NAALADL2: variants seen among roughly 807,000 people sequenced by gnomAD.
NAALADL2 encodes the protein inactive N-acetylated-alpha-linked acidic dipeptidase-like protein 2.
Under a neutral mutation model 87.2 loss-of-function variants are expected in NAALADL2, and 76 were observed. That is an observed-to-expected ratio of 0.87 (90% CI 0.72 to 1.05). The LOEUF is 1.05. NAALADL2 is among the 50% of genes least tolerant of loss of function. NAALADL2 has a pLI of 0.00. For synonymous variants in NAALADL2, 354 were observed against 331.0 expected (o/e 1.07, Z -0.75); for missense variants, 1,089 against 945.8 (o/e 1.15, Z -1.99).
intron 3 of NAALADL2, among the ~76,000 whole-genome samples, chr3:174,815,456 G>A (rs1720679498): frequency 6.6e-6 from 1 of 152,044 alleles, no homozygotes; most frequent in Admixed American, 6.6e-5. Context: ...ATAGGGTCTT[G>A]CTGTCTCACC....
intron 10 of NAALADL2, among the ~76,000 whole-genome samples, chr3:175,613,547 G>T (rs566766467): frequency 2.0e-5 from 3 of 151,998 alleles, no homozygotes; most frequent in Non-Finnish European, 4.4e-5. Flanking sequence ...TTATAATTTA[G>T]CAGGAATAGA....
At chr3:174,935,842 A>C (rs1737613823) in intron 1 of NAALADL2, among the ~76,000 whole-genome samples, 1 of 152,152 alleles carries the variant, frequency 6.6e-6, no homozygotes, top group Non-Finnish European at 1.5e-5. Context: ...GCTAGACTAT[A>C]AGATTAATAG....
At chr3:174,501,298 T>G (rs1409789274) in intron 1 of NAALADL2, among the ~76,000 whole-genome samples, 1 of 143,408 alleles carries the variant, frequency 7.0e-6, no homozygotes, top group Non-Finnish European at 1.5e-5. Context: ...CGGGATGGTC[T>G]CGATCTCCTG....
intron 1 of NAALADL2, among the ~76,000 whole-genome samples, chr3:175,012,014 A>T (rs1266281379): frequency 6.6e-6 from 1 of 152,162 alleles, no homozygotes; most frequent in African/African-American, 2.4e-5. Flanking sequence ...AGCACAAGAG[A>T]AAGAATGTAT....
intron 5 of NAALADL2, among the ~76,000 whole-genome samples, chr3:175,395,001 A>G (rs139827822): frequency 1.9e-3 from 294 of 152,106 alleles, no homozygotes; most frequent in African/African-American, 6.8e-3. Context: ...TATCTTTGGC[A>G]TGTCACAATT....
chr3:175,560,787 G>A (rs561646388), intron 9 of NAALADL2, among the ~76,000 whole-genome samples: 20 of 151,994 alleles, frequency 1.3e-4, no homozygotes, highest in South Asian at 2.1e-4. Context: ...ATGCCCAGCC[G>A]ATTTTTGTAT....
chr3:175,093,412 TTTTTTA>T (rs1162322758), intron 1 of NAALADL2, among the ~76,000 whole-genome samples: 1 of 45,306 alleles, frequency 2.2e-5, no homozygotes, highest in African/African-American at 1.2e-4. Flanking sequence ...TTCATTTTAT[TTTTTTA>T]TATATATATA....
intron 2 of NAALADL2, among the ~76,000 whole-genome samples, chr3:174,633,186 AAC>A (rs1491080497): frequency 6.6e-6 from 1 of 152,120 alleles, no homozygotes; most frequent in East Asian, 1.9e-4. Flanking sequence ...AACAAAAAAA[AAC>A]AGTCTTAAAA....
chr3:175,524,471 A>G (rs913901506), intron 9 of NAALADL2, among the ~76,000 whole-genome samples: 16 of 152,024 alleles, frequency 1.1e-4, no homozygotes, highest in African/African-American at 3.9e-4. Context: ...ATTTTGGGAG[A>G]TGAGGTAATA....
At chr3:175,443,910 G>A (rs552490221) in intron 5 of NAALADL2, among the ~76,000 whole-genome samples, 17 of 152,302 alleles carry the variant, frequency 1.1e-4, no homozygotes, top group African/African-American at 2.9e-4. Flanking sequence ...AAAGCTTCAC[G>A]TAGAAGATGA....
intron 4 of NAALADL2, among the ~76,000 whole-genome samples, chr3:175,292,942 C>A (rs1346894192): frequency 7.0e-6 from 1 of 142,450 alleles, no homozygotes; most frequent in Non-Finnish European, 1.5e-5. Flanking sequence ...GAGGCTGAGG[C>A]AGGAGAATGG....
intron 1 of NAALADL2, among the ~76,000 whole-genome samples, chr3:174,898,168 T>G (rs2109841872): frequency 7.1e-6 from 1 of 140,156 alleles, no homozygotes; most frequent in Non-Finnish European, 1.5e-5. Context: ...GATCTTATCA[T>G]TTGCAATAAC....
At chr3:174,556,444 C>CTT (rs554616964) in intron 2 of NAALADL2, among the ~76,000 whole-genome samples, 6,280 of 149,776 alleles carry the variant, frequency 0.042, 179 homozygotes, top group Non-Finnish European at 0.061. Flanking sequence ...AAAGAGGTAA[C>CTT]TTTTTTTTTT....
intron 11 of NAALADL2, among the ~76,000 whole-genome samples, chr3:175,697,477 G>A (rs1300897646): frequency 6.6e-6 from 1 of 151,190 alleles, no homozygotes; most frequent in Admixed American, 6.6e-5. Flanking sequence ...GATTTTAGGT[G>A]TAGTAGTTGA....
rs1055989967 is a variant in NAALADL2 at position 174,699,690 on chromosome 3, G to A, written c.-114-37951G>A. On this transcript the variant is annotated intron_variant, in intron 2 of 3. Transcript: ENST00000434257. The stretch of plus-strand genomic sequence containing the variant: ...TTTATGTATCTACCAGTAATTCTGT[G>A]GAATTCCCTTGCTGGTATAAAATAT... Among the ~76,000 whole-genome samples, 6 of 151,894 alleles carry A rather than the reference G, an allele frequency of 4.0e-5. No homozygotes were observed. In the East Asian group the frequency reaches 1.2e-3, roughly 29 times the overall value.
chr3:175,053,139 C>G (rs1755635514), intron 1 of NAALADL2, among the ~76,000 whole-genome samples: 1 of 152,102 alleles, frequency 6.6e-6, no homozygotes, highest in Non-Finnish European at 1.5e-5. Flanking sequence ...ATTTTAGGAG[C>G]AGATTTATTA....
At chr3:174,491,461 A>G (rs1163331594) in intron 1 of NAALADL2, among the ~76,000 whole-genome samples, 1 of 152,152 alleles carries the variant, frequency 6.6e-6, no homozygotes, top group Admixed American at 6.6e-5. Flanking sequence ...TTTTATATTG[A>G]TAGTACTCTG....
chr3:174,496,683 T>C (rs1718559481), intron 1 of NAALADL2, among the ~76,000 whole-genome samples: 1 of 152,000 alleles, frequency 6.6e-6, no homozygotes, highest in Non-Finnish European at 1.5e-5. Flanking sequence ...TTGACCTTGA[T>C]GAGATGACCA....
At chr3:175,371,214 T>C (rs1766438147) in intron 5 of NAALADL2, among the ~76,000 whole-genome samples, 2 of 152,074 alleles carry the variant, frequency 1.3e-5, no homozygotes, top group Non-Finnish European at 2.9e-5. Context: ...CTTTGAAAAA[T>C]GCTGGATTTA....
Sources: allele counts gnomAD v4.1 joint callset (sites outside exome capture counted in the v4.1 genomes callset), GRCh38; gene constraint gnomAD v4.1.1; transcripts MANE v1.5; gene names NCBI Gene and HGNC (gene_info 2026-07-23, HGNC 2026-07-21).